PRMT3: variants seen among roughly 807,000 people sequenced by gnomAD.
PRMT3 encodes the protein protein arginine methyltransferase 3, also known as protein arginine N-methyltransferase 3.
In PRMT3, 62 loss-of-function variants were observed where a neutral mutation model predicts 71.9. The observed-to-expected ratio is 0.86, with a 90% CI of 0.70 to 1.07. The LOEUF (loss-of-function observed/expected upper bound fraction) is 1.07, where lower values mean the gene tolerates loss of function less well. Ranked by LOEUF, PRMT3 falls within the 50% of genes least tolerant of loss-of-function variation. The probability of loss-of-function intolerance (pLI) is 0.00; values close to 1 mark genes in which losing one functional copy is unlikely to be tolerated. For synonymous variants in PRMT3, 213 were observed against 220.4 expected (o/e 0.97, Z 0.30); for missense variants, 663 against 643.0 (o/e 1.03, Z -0.34).
At chr11:20,434,717 C>G (rs759869318) in intron 10 of PRMT3, among the ~76,000 whole-genome samples, 2 of 152,032 alleles carry the variant, frequency 1.3e-5, no homozygotes, top group Non-Finnish European at 2.9e-5. Context: ...TTTCTGGGTC[C>G]GCTGTTCTGT....
At chr11:20,419,134 A>T (rs909903021) in intron 9 of PRMT3, among the ~76,000 whole-genome samples, 1 of 152,352 alleles carries the variant, frequency 6.6e-6, no homozygotes, top group South Asian at 2.1e-4. Flanking sequence ...ATACCACTTT[A>T]TCTTACACCT....
intron 10 of PRMT3, among the ~76,000 whole-genome samples, chr11:20,441,380 A>T (rs1353157857): frequency 6.6e-6 from 1 of 151,500 alleles, no homozygotes; most frequent in East Asian, 1.9e-4. Context: ...ATCTCGGCTC[A>T]CTGCAAGCTC....
At chr11:20,394,489 T>C (rs571825258) in intron 5 of PRMT3, among the ~76,000 whole-genome samples, 1 of 152,160 alleles carries the variant, frequency 6.6e-6, no homozygotes, top group Non-Finnish European at 1.5e-5. Context: ...TAAGTGAAAA[T>C]TGTGTACATT....
chr11:20,425,789 G>C (rs182785773), intron 9 of PRMT3, among the ~76,000 whole-genome samples: 175 of 152,236 alleles, frequency 1.1e-3, no homozygotes, highest in Non-Finnish European at 2.1e-3. Flanking sequence ...TGGGGGAAGA[G>C]GAAATGTTCT....
chr11:20,402,885 C>T lies in PRMT3; in HGVS notation c.706-34C>T, dbSNP rs753376983. On this transcript the variant is annotated intron_variant, in intron 7 of 15. Coordinates refer to ENST00000331079, the MANE Select transcript of PRMT3 (RefSeq NM_005788.4). ...AAAAAATTTATTTGTTTAGACTGTC[C>T]TATAAACACAGCGTTTTCCTCTCTC... 6.5e-6 allele frequency: 10 copies of T among 1,530,814 alleles called. No individual in the cohort carries two copies. The South Asian group carries it at 1.0e-4, about 15-fold the overall frequency. The allele number at this position is 1,530,814 out of a possible 1,614,324, so 94.8% of individuals were successfully genotyped here.
intron 9 of PRMT3, among the ~76,000 whole-genome samples, chr11:20,410,007 GT>G (rs961017211): frequency 2.6e-5 from 4 of 152,104 alleles, no homozygotes; most frequent in African/African-American, 9.6e-5. Context: ...GTTAGTCATT[GT>G]TTTTTACGAT....
At chr11:20,464,183 C>T (rs1850452021) in intron 12 of PRMT3, among the ~76,000 whole-genome samples, 1 of 152,056 alleles carries the variant, frequency 6.6e-6, no homozygotes, top group African/African-American at 2.4e-5. Context: ...AACTTTAGCA[C>T]ATTAGCACTA....
chr11:20,465,135 T>A (rs1850481950), intron 13 of PRMT3, among the ~76,000 whole-genome samples: 1 of 152,120 alleles, frequency 6.6e-6, no homozygotes, highest in South Asian at 2.1e-4. Context: ...AAAATGGGGA[T>A]AATTCTGTTT....
At chr11:20,399,853 A>G (rs1848911537) in intron 7 of PRMT3, among the ~76,000 whole-genome samples, 1 of 152,208 alleles carries the variant, frequency 6.6e-6, no homozygotes, top group Non-Finnish European at 1.5e-5. Flanking sequence ...AGAAGTTCCA[A>G]CTTGAAGTTT....
chr11:20,387,730 C>T lies in PRMT3; in HGVS notation c.-17C>T, dbSNP rs1308220574. ...TCCCCGCCCCCAGACACGCCGGGCT[C>T]TCGGGGCACCACAGCCATGTGCTCG... On this transcript the variant is annotated 5_prime_UTR_variant, in exon 1 of 16. Coordinates refer to ENST00000331079, the MANE Select transcript of PRMT3 (RefSeq NM_005788.4). This position sits in a 1 kb window ranked among gnomAD's most constrained non-coding sequence, Gnocchi z 4.3. The T allele has an allele frequency of 2.6e-6, 4 of 1,530,932 alleles. No homozygotes were observed. The highest frequency in any genetic ancestry group is 5.0e-5 in the East Asian group (2 of 39,812). The allele number at this position is 1,530,932 out of a possible 1,614,324, so 94.8% of individuals were successfully genotyped here. A position where few individuals can be genotyped will look rare whatever the true frequency, so the allele number is the denominator to read the frequency against.
At chr11:20,447,100 T>C (rs1353402535) in intron 10 of PRMT3, among the ~76,000 whole-genome samples, 1 of 152,148 alleles carries the variant, frequency 6.6e-6, no homozygotes, top group African/African-American at 2.4e-5. Flanking sequence ...TATCTAAGGC[T>C]ATTATAACAG....
chr11:20,407,389 T>C (rs909558090), intron 8 of PRMT3: 4 of 154,382 alleles, frequency 2.6e-5, no homozygotes, highest in Admixed American at 2.5e-4. Context: ...TACTGTTTTC[T>C]TGCCATTTTT....
Position 20,508,520 on chromosome 11 carries a change from T to C in PRMT3, c.*107T>C, listed in dbSNP as rs2133715816. ...GCAGATGGATGGATGATGGACCCTT[T>C]CCTAATGAGCCTCCTCAATAAGAGA... On this transcript the variant is annotated 3_prime_UTR_variant, in exon 16 of 16. Coordinates refer to ENST00000331079, the MANE Select transcript of PRMT3 (RefSeq NM_005788.4). The C allele has an allele frequency of 1.3e-6, 1 of 776,776 alleles. No homozygotes were observed. Among genetic ancestry groups the C allele is most frequent in the African/African-American group, 1.7e-5 (1 of 58,810 alleles). The allele number at this position is 776,776 out of a possible 1,614,324, so 48.1% of individuals were successfully genotyped here.
intron 15 of PRMT3, among the ~76,000 whole-genome samples, chr11:20,504,572 A>G (rs1208576903): frequency 3.3e-5 from 5 of 152,166 alleles, no homozygotes; most frequent in African/African-American, 1.2e-4. Context: ...TCTTAACAAC[A>G]TTGAGTCTTT....
At chr11:20,420,050 T>C (rs1849392349) in intron 9 of PRMT3, among the ~76,000 whole-genome samples, 1 of 152,110 alleles carries the variant, frequency 6.6e-6, no homozygotes, top group African/African-American at 2.4e-5. Flanking sequence ...CACATGCCTG[T>C]AATCCCAGCT....
chr11:20,452,160 G>C lies in PRMT3; in HGVS notation c.1024G>C (p.Asp342His), dbSNP rs771662619. The C allele has an allele frequency of 2.5e-6, 4 of 1,610,358 alleles. No individual in the cohort carries two copies. Among genetic ancestry groups the C allele is most frequent in the Non-Finnish European group, 3.4e-6 (4 of 1,177,338 alleles). Residue 342 changes from aspartate to histidine, a missense_variant, in exon 11 of 16, where the codon GAT becomes CAT. Coordinates refer to ENST00000331079, the MANE Select transcript of PRMT3 (RefSeq NM_005788.4). ...TTTTCTTCTGTTTGAGTCTATGTTA[G>C]ATTCTGTCCTTTATGCAAAGAACAA... is the stretch of plus-strand genomic sequence containing the variant. ...GYFLLFESML[D>H]SVLYAKNKYL... is the part of the protein sequence containing the mutation.
chr11:20,400,290 A>G (rs1317916634), intron 7 of PRMT3, among the ~76,000 whole-genome samples: 1 of 152,148 alleles, frequency 6.6e-6, no homozygotes, highest in Non-Finnish European at 1.5e-5. Context: ...CCATGACACT[A>G]TTTTTGGTAC....
chr11:20,473,407 C>A (rs984426182), intron 13 of PRMT3, among the ~76,000 whole-genome samples: 18 of 152,098 alleles, frequency 1.2e-4, no homozygotes, highest in Admixed American at 1.3e-4. Flanking sequence ...TTAGCTGTGT[C>A]CCAGTGATTC....
At position 20,387,921 on chromosome 11, in the gene PRMT3, G is replaced by A. The variant is rs1351779978; in HGVS notation, c.29-98G>A. The A allele has an allele frequency of 1.9e-6, 3 of 1,582,708 alleles. No homozygotes were observed. The highest frequency in any genetic ancestry group is 3.5e-5 in the Admixed American group (2 of 56,610). ...AGGAGGTGCTGAGTGAGGGCCGCGGGCGAACGGGGCGGAGGAGAGCCCATC... is the reference window on the plus strand; with the variant it reads ...AGGAGGTGCTGAGTGAGGGCCGCGGACGAACGGGGCGGAGGAGAGCCCATC... On this transcript the variant is annotated intron_variant, in intron 1 of 15. Transcript: ENST00000331079. The surrounding 1 kb of genome is among the most constrained non-coding windows in gnomAD (Gnocchi z 4.3).
Sources: allele counts gnomAD v4.1 joint callset (sites outside exome capture counted in the v4.1 genomes callset), GRCh38; gene constraint gnomAD v4.1.1; non-coding constraint Gnocchi (gnomAD v3.1); transcripts MANE v1.5; gene names NCBI Gene and HGNC (gene_info 2026-07-23, HGNC 2026-07-21).